The following CWF19L2 variants were observed in gnomAD, a reference collection of about 807,000 sequenced individuals.
CWF19L2 encodes CWF19-like protein 2.
In CWF19L2, 98 loss-of-function variants were observed where a neutral mutation model predicts 111.7. The ratio of observed to expected loss-of-function variants is 0.88; its 90% CI spans 0.75 to 1.04. CWF19L2 has a LOEUF of 1.04. Among genes scored for constraint, CWF19L2 ranks in the 50% least tolerant of loss-of-function variants. The pLI, the probability that CWF19L2 is intolerant of heterozygous loss-of-function variation, is 0.00. For synonymous variants in CWF19L2, 351 were observed against 342.9 expected, an observed-to-expected ratio of 1.02 and a Z score of -0.26; for missense variants, 1,101 against 1,051.4, an observed-to-expected ratio of 1.05 and a Z score of -0.65.
At chr11:107,329,872 T>C in intron 17 of CWF19L2, 46 bp downstream of exon 17, 1 of 1,406,614 alleles carries the variant, frequency 7.1e-7, no homozygotes, top group Admixed American at 2.5e-5. Context: ...AAGAAAAATG[T>C]TACCAAATTG....
chr11:107,427,013 C>T (rs1003417189), intron 8 of CWF19L2, among the ~76,000 whole-genome samples: 41 of 151,886 alleles, frequency 2.7e-4, no homozygotes, highest in Middle Eastern at 6.8e-3. Flanking sequence ...ATTAAGATTA[C>T]AAATGGCATG....
chr11:107,332,683 T>C (rs921341562), intron 16 of CWF19L2, among the ~76,000 whole-genome samples: 1 of 152,190 alleles, frequency 6.6e-6, no homozygotes, highest in African/African-American at 2.4e-5. Flanking sequence ...CTCAGTATTG[T>C]TCATTTCATG....
intron 14 of CWF19L2, among the ~76,000 whole-genome samples, chr11:107,346,558 A>C (rs1213782803): frequency 1.3e-5 from 2 of 152,200 alleles, no homozygotes; most frequent in South Asian, 4.1e-4. Context: ...GGCAGCACCA[A>C]GTACTTATGG....
At chr11:107,367,641 C>T (rs1379418207) in intron 12 of CWF19L2, among the ~76,000 whole-genome samples, 1 of 101,950 alleles carries the variant, frequency 9.8e-6, no homozygotes, top group Non-Finnish European at 1.8e-5. Context: ...ATCACATGGA[C>T]ACAGGAAGGG....
chr11:107,353,668 T>TC lies in CWF19L2; in HGVS notation c.1940dup (p.Glu648ArgfsTer5). On this transcript the variant is annotated frameshift_variant, in exon 13 of 18. Coordinates refer to ENST00000282251, the MANE Select transcript of CWF19L2 (RefSeq NM_152434.3). LOFTEE classifies it high-confidence loss of function. ...TCTCTTCCTCTTCACCAAGACGTTC[T>TC]CTCTCAGCTGCTTTGGAGACAAACA... The TC allele has an allele frequency of 6.2e-7, 1 of 1,613,832 alleles. No homozygotes were observed. The highest frequency in any genetic ancestry group is 8.5e-7 in the Non-Finnish European group (1 of 1,179,772).
Position 107,330,019 on chromosome 11 carries a change from C to A in CWF19L2, c.2440G>T (p.Val814Leu). Residue 814 changes from valine to leucine, a missense_variant and splice_region_variant, in exon 17 of 18, where the codon GTA becomes TTA. Transcript: ENST00000282251. The part of the protein sequence containing the change: ...DLSSKDIRKS[V>L]PRGLPYFSVD... Reference sequence around the variant, plus strand: ...GAGAAGTAAGGTAACCCTCTGGGTACCTAAATAAACAGACAAATCACAAAT... The same window carrying A: ...GAGAAGTAAGGTAACCCTCTGGGTAACTAAATAAACAGACAAATCACAAAT... The A allele has an allele frequency of 1.3e-6, 2 of 1,542,048 alleles. No homozygotes were observed. The highest frequency in any genetic ancestry group is 1.8e-6 in the Non-Finnish European group (2 of 1,142,382).
intron 7 of CWF19L2, among the ~76,000 whole-genome samples, chr11:107,432,582 C>T (rs1044824294): frequency 6.6e-6 from 1 of 151,994 alleles, no homozygotes; most frequent in Admixed American, 6.6e-5. Flanking sequence ...GACTCCACCT[C>T]AAAATAAAAA....
intron 10 of CWF19L2, among the ~76,000 whole-genome samples, chr11:107,409,195 A>G (rs774719425): frequency 3.9e-5 from 6 of 152,086 alleles, no homozygotes; most frequent in African/African-American, 1.2e-4. Flanking sequence ...CCCAAGAATC[A>G]GATCCAAAAG....
chr11:107,418,455 T>C (rs970911725), intron 8 of CWF19L2, among the ~76,000 whole-genome samples, 168 bp from the exon 9 acceptor site: 4 of 152,202 alleles, frequency 2.6e-5, no homozygotes, highest in Non-Finnish European at 5.9e-5. Flanking sequence ...CACAAATTGA[T>C]AAAGTTCTCT....
At chr11:107,416,581 T>A (rs1161002161) in intron 9 of CWF19L2, among the ~76,000 whole-genome samples, 1 of 152,212 alleles carries the variant, frequency 6.6e-6, no homozygotes, top group African/African-American at 2.4e-5. Flanking sequence ...TAATGACATT[T>A]TAATAATTAC....
intron 10 of CWF19L2, among the ~76,000 whole-genome samples, chr11:107,412,668 C>T (rs1303154670): frequency 6.6e-6 from 1 of 152,112 alleles, no homozygotes; most frequent in Admixed American, 6.6e-5. Flanking sequence ...AACTTCTGTC[C>T]ACACAAAAAA....
At chr11:107,456,904 A>C (rs1485733155) in intron 1 of CWF19L2, among the ~76,000 whole-genome samples, 2 of 152,178 alleles carry the variant, frequency 1.3e-5, no homozygotes, top group African/African-American at 4.8e-5. Flanking sequence ...TTTTGAAACT[A>C]TGTCATTTTC....
At chr11:107,365,124 G>A (rs1371405815) in intron 12 of CWF19L2, among the ~76,000 whole-genome samples, 4 of 138,820 alleles carry the variant, frequency 2.9e-5, no homozygotes, top group Non-Finnish European at 6.2e-5. Context: ...ACTAAACCAG[G>A]AAGAAGTTGA....
At chr11:107,454,221 A>G (rs542818341) in intron 3 of CWF19L2, among the ~76,000 whole-genome samples, 4 of 152,260 alleles carry the variant, frequency 2.6e-5, no homozygotes, top group Non-Finnish European at 4.4e-5. Context: ...TGCTGTGCTT[A>G]GCAATAATTC....
At chr11:107,439,761 C>T (rs544958495) in intron 5 of CWF19L2, among the ~76,000 whole-genome samples, 1 of 152,302 alleles carries the variant, frequency 6.6e-6, no homozygotes, top group African/African-American at 2.4e-5. Flanking sequence ...CTGTGAGTGA[C>T]TAATGACAAG....
intron 12 of CWF19L2, among the ~76,000 whole-genome samples, chr11:107,356,093 G>A (rs898354395): frequency 2.0e-5 from 3 of 151,964 alleles, no homozygotes; most frequent in African/African-American, 7.2e-5. Flanking sequence ...AATATTTTTG[G>A]AAAACTGCCA....
At chr11:107,435,239 A>G (rs1408658620) in intron 6 of CWF19L2, among the ~76,000 whole-genome samples, 1 of 152,176 alleles carries the variant, frequency 6.6e-6, no homozygotes, top group African/African-American at 2.4e-5. Flanking sequence ...CATTTTATTC[A>G]AAAGCTTATT....
chr11:107,329,886 A>C, intron 17 of CWF19L2, 32 bp downstream of exon 17: 1 of 1,459,110 alleles, frequency 6.9e-7, no homozygotes, highest in Non-Finnish European at 9.2e-7. Context: ...CAAATTGCTA[A>C]CTCTGGGATT....
intron 12 of CWF19L2, among the ~76,000 whole-genome samples, chr11:107,388,262 T>C (rs1317083483): frequency 6.6e-6 from 1 of 152,254 alleles, no homozygotes; most frequent in East Asian, 1.9e-4. Context: ...TCTCATCCAC[T>C]AGAAATATAA....
Sources: gnomAD v4.1 joint callset for allele counts (sites outside exome capture counted in the v4.1 genomes callset) on GRCh38, gnomAD v4.1.1 for gene constraint, MANE v1.5 for transcripts, NCBI Gene and HGNC (gene_info 2026-07-23, HGNC 2026-07-21) for gene names.